Variants in NTN1 observed in about 807,000 individuals in gnomAD.
The protein encoded by NTN1 is netrin 1.
NTN1 carries 11 observed loss-of-function variants against 54.2 expected under a neutral mutation model. That is an observed-to-expected ratio of 0.20 (90% CI 0.13 to 0.34). The LOEUF is 0.34. Among genes scored for constraint, NTN1 ranks in the 10% least tolerant of loss-of-function variants. NTN1 has a pLI of 1.00. For missense variants in NTN1, 740 were observed against 893.1 expected, an observed-to-expected ratio of 0.83 and a Z score of 2.18; for synonymous variants, 371 against 382.0, an observed-to-expected ratio of 0.97 and a Z score of 0.33.
chr17:9,168,398 G>A (rs1387696867), intron 3 of NTN1, among the ~76,000 whole-genome samples: 1 of 152,194 alleles, frequency 6.6e-6, no homozygotes, highest in Non-Finnish European at 1.5e-5. Flanking sequence ...CGGGCGCAGT[G>A]GCGCATGCCT....
chr17:9,139,925 TCATCCATC>T (rs142183988), intron 2 of NTN1, among the ~76,000 whole-genome samples: 1 of 152,006 alleles, frequency 6.6e-6, no homozygotes, highest in Non-Finnish European at 1.5e-5. Context: ...CATTCATCCA[TCATCCATC>T]CATCCATCTG....
At chr17:9,182,233 G>C (rs370606223) in intron 4 of NTN1, among the ~76,000 whole-genome samples, 54,574 of 152,040 alleles carry the variant, frequency 0.36, 10,205 homozygotes, top group Middle Eastern at 0.49. Flanking sequence ...CCCCAAACGT[G>C]TTGGGCCCCA....
chr17:9,203,177 T>A (rs1904860393), intron 5 of NTN1, among the ~76,000 whole-genome samples: 1 of 152,156 alleles, frequency 6.6e-6, no homozygotes, highest in Admixed American at 6.5e-5. Context: ...TGCCTTGGCC[T>A]CCCAAAGTGC....
intron 2 of NTN1, among the ~76,000 whole-genome samples, chr17:9,025,073 G>A (rs989438141): frequency 1.3e-5 from 2 of 152,174 alleles, no homozygotes; most frequent in East Asian, 1.9e-4. Context: ...GCATATGAAA[G>A]ATAACTTTGT....
chr17:9,188,261 TCTA>T (rs1335483981), intron 5 of NTN1, among the ~76,000 whole-genome samples: 7 of 152,228 alleles, frequency 4.6e-5, no homozygotes, highest in African/African-American at 1.7e-4. Context: ...AAACCCCATC[TCTA>T]CTAAAAGTAC....
chr17:9,201,460 A>G (rs1904783227), intron 5 of NTN1, among the ~76,000 whole-genome samples: 1 of 152,226 alleles, frequency 6.6e-6, no homozygotes, highest in Admixed American at 6.5e-5. Flanking sequence ...ATGAGACCAG[A>G]GGGCTCTGAA....
At position 9,222,137 on chromosome 17, in the gene NTN1, A is replaced by G. The variant is rs548251447; in HGVS notation, c.1486+895A>G. 9.2e-5 allele frequency among the ~76,000 whole-genome samples: 14 copies of G among 152,286 alleles called. No individual in the cohort carries two copies. The South Asian group carries it at 2.9e-3, about 32-fold the overall frequency. ...GAATCCAGGCCTGGTTCTTTCTAGC[A>G]CGGGGCCTCTCCTTGACCTGGTGGG... On this transcript the variant is annotated intron_variant, in intron 6 of 6. Coordinates refer to ENST00000173229, the MANE Select transcript of NTN1 (RefSeq NM_004822.3).
intron 5 of NTN1, among the ~76,000 whole-genome samples, chr17:9,202,921 T>A (rs1904843217): frequency 6.6e-6 from 1 of 152,112 alleles, no homozygotes; most frequent in Non-Finnish European, 1.5e-5. Flanking sequence ...TTTCTTATTT[T>A]TTTATTTTTT....
At chr17:9,018,923 C>G (rs901288440), upstream of NTN1, among the ~76,000 whole-genome samples, 1 of 152,150 alleles carries the variant, frequency 6.6e-6, no homozygotes, top group Non-Finnish European at 1.5e-5. Context: ...TACTGTGTTC[C>G]CTTTCTGGGC....
Position 9,221,149 on chromosome 17 carries a change from C to CG in NTN1, c.1412-19_1412-18insG, listed in dbSNP as rs1315174675. The CG allele has an allele frequency of 2.1e-6, 3 of 1,419,672 alleles. 1 individual carries two copies. The highest frequency in any genetic ancestry group is 3.0e-5 in the African/African-American group (2 of 65,668). 87.9% of individuals were successfully genotyped at this position (1,419,672 alleles called of 1,614,324 possible). The stretch of plus-strand genomic sequence containing the variant: ...GCCTAATTAGTTTTTGTCTGTGCTC[C>CG]CCCCCCACCCCCCTGCAGACTGCGA... On this transcript the variant is annotated intron_variant, in intron 5 of 6. Coordinates refer to ENST00000173229, the MANE Select transcript of NTN1 (RefSeq NM_004822.3). The surrounding 1 kb of genome is among the most constrained non-coding windows in gnomAD (Gnocchi z 4.5).
chr17:9,123,541 G>A (rs1381715577), intron 2 of NTN1, among the ~76,000 whole-genome samples: 1 of 152,092 alleles, frequency 6.6e-6, no homozygotes, highest in Non-Finnish European at 1.5e-5. Flanking sequence ...CTTCAGAAAG[G>A]CCTTCTTGAT....
intron 2 of NTN1, among the ~76,000 whole-genome samples, chr17:9,036,783 C>T (rs1040107616): frequency 6.6e-6 from 1 of 152,152 alleles, no homozygotes; most frequent in Non-Finnish European, 1.5e-5. Flanking sequence ...CACCCCATTC[C>T]CTGCTCAACC....
At chr17:9,229,476 T>A (rs1905733187) in intron 6 of NTN1, among the ~76,000 whole-genome samples, 1 of 152,074 alleles carries the variant, frequency 6.6e-6, no homozygotes, top group South Asian at 2.1e-4. Flanking sequence ...CGGGATTAGG[T>A]ACTCCACGGC....
In NTN1 at chr17:9,187,899, T is replaced by C. The variant is rs572288364; in HGVS notation, c.1411+4930T>C. 2.6e-5 allele frequency among the ~76,000 whole-genome samples: 4 copies of C among 152,156 alleles called. No homozygotes were observed. In the South Asian group the frequency reaches 6.2e-4, roughly 24 times the overall value. ...AAGAACCTTGAAAACATCATGCTGA[T>C]TGAAAGAAGCCAGACCCAAAGGCTG... is the stretch of plus-strand genomic sequence containing the variant. On this transcript the variant is annotated intron_variant, in intron 5 of 6. Transcript: ENST00000173229.
At chr17:9,104,562 C>T (rs1382978011) in intron 2 of NTN1, among the ~76,000 whole-genome samples, 3 of 152,144 alleles carry the variant, frequency 2.0e-5, no homozygotes, top group Admixed American at 6.5e-5. Flanking sequence ...GGAAAGGACC[C>T]AGCGTGACCT....
intron 2 of NTN1, among the ~76,000 whole-genome samples, chr17:9,055,025 G>C (rs538817436): frequency 6.6e-6 from 1 of 152,194 alleles, no homozygotes; most frequent in Non-Finnish European, 1.5e-5. Flanking sequence ...CAGCTCCTTG[G>C]TTGGGTTAAA....
At chr17:9,191,433 C>T (rs2142327916) in intron 5 of NTN1, among the ~76,000 whole-genome samples, 1 of 152,332 alleles carries the variant, frequency 6.6e-6, no homozygotes, top group South Asian at 2.1e-4. Context: ...GCACTGCAGC[C>T]TGGGCAACAA....
chr17:9,080,775 G>A (rs2142223964), intron 2 of NTN1, among the ~76,000 whole-genome samples: 1 of 152,314 alleles, frequency 6.6e-6, no homozygotes, highest in Middle Eastern at 3.4e-3. Flanking sequence ...AGTCATGCCT[G>A]TGTAATGAAG....
the NTN1 span, among the ~76,000 whole-genome samples, chr17:9,008,559 A>G: frequency 2.3e-4 from 35 of 152,124 alleles, no homozygotes; most frequent in African/African-American, 8.4e-4. Context: ...CTGACCTCAA[A>G]TGATTGGCCC....
Sources: allele counts gnomAD v4.1 joint callset (sites outside exome capture counted in the v4.1 genomes callset), GRCh38; gene constraint gnomAD v4.1.1; non-coding constraint Gnocchi (gnomAD v3.1); transcripts MANE v1.5; gene names NCBI Gene and HGNC (gene_info 2026-07-23, HGNC 2026-07-21).